ATL2: variants seen among roughly 807,000 people sequenced by gnomAD.
ATL2 encodes the protein atlastin GTPase 2.
A neutral mutation model predicts 73.9 loss-of-function variants in ATL2; 31 were observed. The ratio of observed to expected loss-of-function variants is 0.42; its 90% confidence interval spans 0.32 to 0.57. The LOEUF (loss-of-function observed/expected upper bound fraction) is 0.57. ATL2 is among the 20% of genes least tolerant of loss of function. The pLI, the probability that ATL2 is intolerant of heterozygous loss-of-function variation, is 0.14. For missense variants in ATL2, 738 were observed against 702.6 expected (o/e 1.05, Z -0.57); for synonymous variants, 291 against 237.5 (o/e 1.23, Z -2.07).
chr2:38,325,887 TTTTG>T (rs201934989), intron 2 of ATL2, among the ~76,000 whole-genome samples: 8,934 of 137,854 alleles, frequency 0.065, 1,286 homozygotes, highest in African/African-American at 0.26. Context: ...TAGTTTAAGG[TTTTG>T]TTTGTTTGTT....
At chr2:38,342,120 T>C (rs1393384602) in intron 2 of ATL2, among the ~76,000 whole-genome samples, 1 of 152,104 alleles carries the variant, frequency 6.6e-6, no homozygotes, top group Non-Finnish European at 1.5e-5. Context: ...AAATTTTTTT[T>C]GCTTTTTTTT....
intron 9 of ATL2, among the ~76,000 whole-genome samples, chr2:38,300,945 A>C (rs1211561660): frequency 6.6e-6 from 1 of 151,030 alleles, no homozygotes; most frequent in Non-Finnish European, 1.5e-5. Context: ...GTTTGTTAGA[A>C]GTCCATATAG....
At chr2:38,331,549 G>C (rs980686972) in intron 2 of ATL2, among the ~76,000 whole-genome samples, 2 of 148,036 alleles carry the variant, frequency 1.4e-5, no homozygotes, top group East Asian at 4.0e-4. Context: ...GGCAGAGGTC[G>C]TTGCAGTAAG....
At chr2:38,367,948 T>C (rs1002604535) in intron 1 of ATL2, among the ~76,000 whole-genome samples, 1 of 151,302 alleles carries the variant, frequency 6.6e-6, no homozygotes. Context: ...CAACTTTTTT[T>C]TTTTTTTGAG....
At position 38,313,682 on chromosome 2, in the gene ATL2, AAATGCTGACATTTTGGGTCAGC is replaced by A. The variant is rs200285521; in HGVS notation, c.712-461_712-440del. On this transcript the variant is annotated intron_variant, in intron 6 of 12. Transcript: ENST00000378954. ...TTACTCATATAGGGTTAGATTTCTC[AAATGCTGACATTTTGGGTCAGC>A]ACTGCTGACATTTTGGGTCAGTTAA... 7.7e-3 allele frequency among the ~76,000 whole-genome samples: 1,165 copies of A among 152,186 alleles called. 11 individuals carry two copies. Among genetic ancestry groups the A allele is most frequent in the East Asian group, 0.057 (293 of 5,184 alleles).
intron 10 of ATL2, among the ~76,000 whole-genome samples, chr2:38,299,873 A>G (rs973615713): frequency 3.9e-5 from 6 of 152,256 alleles, no homozygotes; most frequent in Admixed American, 2.6e-4. Context: ...GACTATATTC[A>G]CTAGAAGTAG....
chr2:38,303,991 C>T (rs981323089), intron 9 of ATL2, among the ~76,000 whole-genome samples: 7 of 152,048 alleles, frequency 4.6e-5, no homozygotes, highest in East Asian at 3.9e-4. Context: ...AGGCCAGGCA[C>T]GGTGGCTCAC....
chr2:38,366,918 C>A (rs1671361828), intron 1 of ATL2, among the ~76,000 whole-genome samples: 1 of 152,126 alleles, frequency 6.6e-6, no homozygotes, highest in Non-Finnish European at 1.5e-5. Context: ...CTAACCCCAG[C>A]CCCTTCATGT....
At chr2:38,314,326 CCTATTGT>C (rs1411484732) in intron 6 of ATL2, among the ~76,000 whole-genome samples, 2 of 152,076 alleles carry the variant, frequency 1.3e-5, no homozygotes, top group Non-Finnish European at 2.9e-5. Context: ...TCATATATTT[CCTATTGT>C]CTTAAGTTTA....
chr2:38,328,547 T>G (rs1437596622), intron 2 of ATL2, among the ~76,000 whole-genome samples: 2 of 152,116 alleles, frequency 1.3e-5, no homozygotes, highest in African/African-American at 4.8e-5. Context: ...ACTCCCCAAA[T>G]AGTTGGAGTT....
intron 9 of ATL2, among the ~76,000 whole-genome samples, chr2:38,307,447 C>T (rs560468091): frequency 4.0e-5 from 6 of 151,030 alleles, no homozygotes; most frequent in South Asian, 4.2e-4. Context: ...TACAGCAAGC[C>T]GAGATCACGC....
upstream of ATL2, chr2:38,377,281 ACT>A: frequency 6.5e-7 from 1 of 1,531,812 alleles, no homozygotes; most frequent in Non-Finnish European, 8.8e-7. Context: ...TTTAAAATTA[ACT>A]CCCCACTGAC....
intron 9 of ATL2, among the ~76,000 whole-genome samples, chr2:38,306,794 G>A (rs891762735): frequency 5.3e-5 from 8 of 152,160 alleles, no homozygotes; most frequent in Non-Finnish European, 8.8e-5. Flanking sequence ...GTATCTTACT[G>A]AACTGGGAAA....
At chr2:38,342,659 C>T (rs1349089691) in intron 2 of ATL2, among the ~76,000 whole-genome samples, 1 of 152,148 alleles carries the variant, frequency 6.6e-6, no homozygotes, top group Non-Finnish European at 1.5e-5. Flanking sequence ...TATCCACCTA[C>T]TTTACTCACT....
chr2:38,298,455 A>C lies in ATL2; in HGVS notation c.1321T>G (p.Cys441Gly), dbSNP rs559121783. The change falls in exon 12 of 13, where the codon TGC becomes GGC. Residue 441 changes from cysteine to glycine, a missense_variant. Cys to Gly is a radical substitution (Grantham distance 159, BLOSUM62 -3). Transcript: ENST00000378954. ...TCAAGCTGGTCCTGATAACGACGGC[A>C]GAACTCATCTCCACCCATCTTTTTT... ...SVKKMGGDEF[C>G]RRYQDQLEAE... is the part of the protein sequence containing the mutation. 3.1e-6 allele frequency: 5 copies of C among 1,614,222 alleles called. No homozygotes were observed. The African/African-American group carries it at 4.0e-5, about 13-fold the overall frequency.
In ATL2 at chr2:38,294,650, A is replaced by G. The variant is rs1015148433; in HGVS notation, c.*1344T>C. Among the ~76,000 whole-genome samples the G allele has an allele frequency of 2.6e-5, 4 of 152,056 alleles. No homozygotes were observed. Among genetic ancestry groups the G allele is most frequent in the Non-Finnish European group, 5.9e-5 (4 of 68,008 alleles). Reference sequence around the variant, plus strand: ...CCTTACATATACCACCAAAAAAAAAAAAAGAGAGAGAAAGAAATTAACAAT... The same window carrying G: ...CCTTACATATACCACCAAAAAAAAAGAAAGAGAGAGAAAGAAATTAACAAT... On this transcript the variant is annotated 3_prime_UTR_variant, in exon 13 of 13. Transcript: ENST00000378954.
At chr2:38,375,009 C>T (rs1671882062) in intron 1 of ATL2, among the ~76,000 whole-genome samples, 1 of 152,168 alleles carries the variant, frequency 6.6e-6, no homozygotes, top group Non-Finnish European at 1.5e-5. Flanking sequence ...TTTCAAAACA[C>T]TTTACTAAAT....
At chr2:38,340,959 AAG>A (rs1268250943) in intron 2 of ATL2, among the ~76,000 whole-genome samples, 2 of 152,216 alleles carry the variant, frequency 1.3e-5, no homozygotes, top group South Asian at 2.1e-4. Context: ...CCCCCAGGAA[AAG>A]AGAGTTCCGT....
At chr2:38,376,363 C>A in intron 1 of ATL2, 1 of 747,914 alleles carries the variant, frequency 1.3e-6, no homozygotes, top group Non-Finnish European at 1.9e-6. Context: ...TTCAGCAAAA[C>A]CAGGGAGCCA....
Sources: allele counts gnomAD v4.1 joint callset (sites outside exome capture counted in the v4.1 genomes callset), GRCh38; gene constraint gnomAD v4.1.1; transcripts MANE v1.5; gene names NCBI Gene and HGNC (gene_info 2026-07-23, HGNC 2026-07-21).